Variants in CAMK4 observed in about 807,000 individuals in gnomAD.
CAMK4 encodes the protein calcium/calmodulin dependent protein kinase IV.
CAMK4 carries 22 observed loss-of-function variants against 44.9 expected under a neutral mutation model. The observed-to-expected ratio is 0.49, with a 90% confidence interval of 0.35 to 0.70. The LOEUF is 0.70. CAMK4 is among the 30% of genes least tolerant of loss of function. The probability of loss-of-function intolerance (pLI) is 0.01; values close to 1 mark genes in which losing one functional copy is unlikely to be tolerated. For synonymous variants in CAMK4, 218 were observed against 215.4 expected (o/e 1.01, Z -0.11); for missense variants, 498 against 586.8 (o/e 0.85, Z 1.56).
chr5:111,287,438 T>G (rs1180434251), intron 1 of CAMK4, among the ~76,000 whole-genome samples: 2 of 152,246 alleles, frequency 1.3e-5, no homozygotes, highest in African/African-American at 4.8e-5. Flanking sequence ...TCTCATAGTT[T>G]ATATGAAATC....
intron 5 of CAMK4, among the ~76,000 whole-genome samples, chr5:111,425,782 A>G (rs760148790): frequency 3.9e-5 from 6 of 152,338 alleles, no homozygotes; most frequent in Non-Finnish European, 5.9e-5. Context: ...GTGATGAACA[A>G]TGTATTAAGA....
Position 111,444,985 on chromosome 5 carries a change from A to G in CAMK4, c.460-1701A>G, listed in dbSNP as rs1753975642. ...CAAAGATATTAACATATATGCATAC[A>G]TTGTTTGTGTGAGTGAAAATTGATG... On this transcript the variant is annotated intron_variant, in intron 5 of 10. Coordinates refer to ENST00000282356, the MANE Select transcript of CAMK4 (RefSeq NM_001744.6). Among the ~76,000 whole-genome samples the G allele has an allele frequency of 5.3e-5, 8 of 152,300 alleles. No homozygotes were observed. The South Asian group carries it at 1.7e-3, about 32-fold the overall frequency.
At chr5:111,291,348 TG>T (rs1269300934) in intron 1 of CAMK4, among the ~76,000 whole-genome samples, 1 of 148,438 alleles carries the variant, frequency 6.7e-6, no homozygotes, top group African/African-American at 2.6e-5. Context: ...AAATGTCTGT[TG>T]ATTTTCTTTC....
chr5:111,415,846 A>G (rs1752796026), intron 5 of CAMK4, among the ~76,000 whole-genome samples: 1 of 152,140 alleles, frequency 6.6e-6, no homozygotes, highest in African/African-American at 2.4e-5. Context: ...TAACAAAATA[A>G]ATAAAAAACA....
chr5:111,384,791 C>T (rs1345608118), intron 4 of CAMK4, among the ~76,000 whole-genome samples: 2 of 152,124 alleles, frequency 1.3e-5, no homozygotes, highest in East Asian at 3.9e-4. Context: ...GTATTACTTT[C>T]ACTCCTTTCC....
rs984864596 is a variant in CAMK4 at position 111,467,852 on chromosome 5, A to T, written c.626-5459A>T. Among the ~76,000 whole-genome samples, 3 of 152,048 alleles carry T rather than the reference A, an allele frequency of 2.0e-5. No homozygotes were observed. The East Asian group carries it at 5.8e-4, about 29-fold the overall frequency. ...TTTGATCCAGCAATCCCACTACTGGATATCTACTCAGAGGAAAAGAAGTCA... is the reference window on the plus strand; with the variant it reads ...TTTGATCCAGCAATCCCACTACTGGTTATCTACTCAGAGGAAAAGAAGTCA... On this transcript the variant is annotated intron_variant, in intron 7 of 10. Coordinates refer to ENST00000282356, the MANE Select transcript of CAMK4 (RefSeq NM_001744.6).
chr5:111,321,030 A>G (rs867040827), intron 1 of CAMK4, among the ~76,000 whole-genome samples: 12 of 152,176 alleles, frequency 7.9e-5, no homozygotes, highest in Non-Finnish European at 1.2e-4. Context: ...ACTGAATTAT[A>G]AAGAGGTGAC....
rs913563638 is a variant in CAMK4, at chr5:111,373,291, A to G, written c.241-1559A>G. ...TGGAGAAATCTCTCATTGGGCTGGG[A>G]ACTCCTTAAGATCTCCTTGTAAACA... On this transcript the variant is annotated intron_variant, in intron 2 of 10. Coordinates refer to ENST00000282356, the MANE Select transcript of CAMK4 (RefSeq NM_001744.6). 1.1e-4 allele frequency among the ~76,000 whole-genome samples: 16 copies of G among 152,172 alleles called. 1 individual carries two copies. The East Asian group carries it at 1.4e-3, about 13-fold the overall frequency.
intron 4 of CAMK4, among the ~76,000 whole-genome samples, chr5:111,381,851 G>A (rs138855480): frequency 1.3e-5 from 2 of 152,244 alleles, no homozygotes; most frequent in East Asian, 1.9e-4. Context: ...AGACACTAAT[G>A]TATTTTCCTG....
At chr5:111,314,010 G>C (rs1486667806) in intron 1 of CAMK4, among the ~76,000 whole-genome samples, 2 of 152,084 alleles carry the variant, frequency 1.3e-5, no homozygotes, top group Non-Finnish European at 2.9e-5. Context: ...GTATTCTTAA[G>C]TGTGTGTCTT....
At chr5:111,285,996 A>G (rs1036574102) in intron 1 of CAMK4, among the ~76,000 whole-genome samples, 1 of 152,202 alleles carries the variant, frequency 6.6e-6, no homozygotes, top group Admixed American at 6.5e-5. Flanking sequence ...CAAGCTTAGG[A>G]TAAATGGGAC....
At chr5:111,477,087 C>T (rs528367216) in intron 8 of CAMK4, among the ~76,000 whole-genome samples, 1 of 152,312 alleles carries the variant, frequency 6.6e-6, no homozygotes, top group African/African-American at 2.4e-5. Flanking sequence ...CAGGCAAGGT[C>T]AGACTCTCTC....
At position 111,423,245 on chromosome 5, in the gene CAMK4, A is replaced by G. The variant is rs139966655; in HGVS notation, c.460-23441A>G. Among the ~76,000 whole-genome samples the G allele has an allele frequency of 6.0e-3, 914 of 152,338 alleles. 6 individuals carry two copies. Among genetic ancestry groups the G allele is most frequent in the Admixed American group, 0.016 (238 of 15,306 alleles). On this transcript the variant is annotated intron_variant, in intron 5 of 10. Transcript: ENST00000282356. ...CTAACTCTGCAGGAGAGCACTTTCC[A>G]TGGAAAATAATGGCTTTTAAAATCT...
intron 8 of CAMK4, among the ~76,000 whole-genome samples, chr5:111,474,617 G>T (rs1755174435): frequency 6.6e-6 from 1 of 152,164 alleles, no homozygotes; most frequent in South Asian, 2.1e-4. Flanking sequence ...TCAGTCCGTA[G>T]CAGAATGCTT....
chr5:111,273,926 A>T (rs1750651150), intron 1 of CAMK4, among the ~76,000 whole-genome samples: 1 of 151,694 alleles, frequency 6.6e-6, no homozygotes, highest in South Asian at 2.1e-4. Context: ...CAGGGCATAT[A>T]TACTTACATT....
chr5:111,449,095 C>A lies in CAMK4; in HGVS notation c.551-34C>A, dbSNP rs769456338. The stretch of plus-strand genomic sequence containing the variant: ...TATTTTGTCATAAAAGCTGAGAAGA[C>A]GTGCTTCATTAAATTTTTTTCTTGT... On this transcript the variant is annotated intron_variant, in intron 6 of 10. Coordinates refer to ENST00000282356, the MANE Select transcript of CAMK4 (RefSeq NM_001744.6). The A allele has an allele frequency of 1.9e-5, 17 of 876,978 alleles. No individual in the cohort carries two copies. In the East Asian group the frequency reaches 3.9e-4, roughly 20 times the overall value. 54.3% of individuals were successfully genotyped at this position (876,978 alleles called of 1,614,324 possible).
chr5:111,343,757 A>G lies in CAMK4; in HGVS notation c.162-267A>G, dbSNP rs924471648. On this transcript the variant is annotated intron_variant, in intron 1 of 10. Transcript: ENST00000282356. ...CCTGATTTATTCCAGAGCCTTCTCA[A>G]TGCAGTAGCCCTAGTTATGTTACTT... Among the ~76,000 whole-genome samples, 7 of 151,774 alleles carry G rather than the reference A, an allele frequency of 4.6e-5. No homozygotes were observed. In the South Asian group the frequency reaches 1.2e-3, roughly 27 times the overall value.
chr5:111,403,651 G>C lies in CAMK4; in HGVS notation c.459+8869G>C, dbSNP rs560777917. On this transcript the variant is annotated intron_variant, in intron 5 of 10. Coordinates refer to ENST00000282356, the MANE Select transcript of CAMK4 (RefSeq NM_001744.6). ...ATAGACATAGAATAAAGTAGACTAG[G>C]GGCCCAATCAGAGCATAGACATTTT... is the stretch of plus-strand genomic sequence containing the variant. 3.9e-5 allele frequency among the ~76,000 whole-genome samples: 6 copies of C among 152,126 alleles called. No individual in the cohort carries two copies. The South Asian group carries it at 1.3e-3, about 32-fold the overall frequency.
intron 1 of CAMK4, among the ~76,000 whole-genome samples, chr5:111,289,096 C>T (rs1188438221): frequency 6.6e-6 from 1 of 152,168 alleles, no homozygotes; most frequent in Non-Finnish European, 1.5e-5. Context: ...CCTGTAATCC[C>T]AGCACTTTGG....
Sources: allele counts gnomAD v4.1 joint callset (sites outside exome capture counted in the v4.1 genomes callset), GRCh38; gene constraint gnomAD v4.1.1; transcripts MANE v1.5; gene names NCBI Gene and HGNC (gene_info 2026-07-23, HGNC 2026-07-21).